ZNF561: variants seen among roughly 807,000 people sequenced by gnomAD.
ZNF561 encodes zinc finger protein 561.
A neutral mutation model predicts 16.7 loss-of-function variants in ZNF561; 16 were observed. The ratio of observed to expected loss-of-function variants is 0.96; its 90% CI spans 0.65 to 1.45. The LOEUF (loss-of-function observed/expected upper bound fraction) is 1.45, where lower values mean the gene tolerates loss of function less well. Ranked by LOEUF, ZNF561 falls within the 40% of genes most tolerant of loss-of-function variation. ZNF561 has a pLI of 0.00. For missense variants in ZNF561, 580 were observed against 578.0 expected, an observed-to-expected ratio of 1.00 and a Z score of -0.04; for synonymous variants, 190 against 192.1, an observed-to-expected ratio of 0.99 and a Z score of 0.09.
At chr19:9,611,773 T>G (rs2074463218) in intron 5 of ZNF561, among the ~76,000 whole-genome samples, 1 of 152,112 alleles carries the variant, frequency 6.6e-6, no homozygotes, top group Admixed American at 6.5e-5. Flanking sequence ...GTTGGGGTTT[T>G]GCTCCATTGC....
rs1425367133 is a variant in ZNF561, at chr19:9,609,592, G to A, written c.*608C>T. 1 of 152,326 alleles carries A rather than the reference G, an allele frequency of 6.6e-6. No homozygotes were observed. The highest frequency in any genetic ancestry group is 1.5e-5 in the Non-Finnish European group (1 of 68,152). The allele number at this position is 152,326 out of a possible 1,614,324, so 9.4% of individuals were successfully genotyped here. A position where few individuals can be genotyped will look rare whatever the true frequency, so the allele number is the denominator to read the frequency against. ...AGCCACCTTGACAGAAGTGAGAAGA[G>A]AGACTGGATTATACTAGAAGAGACA... On this transcript the variant is annotated 3_prime_UTR_variant, in exon 6 of 6. Transcript: ENST00000302851.
At chr19:9,616,851 C>T in intron 4 of ZNF561, 194 bp downstream of exon 4, 1 of 598,458 alleles carries the variant, frequency 1.7e-6, no homozygotes. Context: ...ACCTCAGCCT[C>T]CCAAAGTGCT....
At chr19:9,617,328 A>C (rs1423971423) in intron 3 of ZNF561, 157 bp from the exon 4 acceptor site, 50 of 1,302,400 alleles carry the variant, frequency 3.8e-5, no homozygotes. Context: ...CTTGTGTCTA[A>C]ACACTCAAGG....
rs148035666 is a variant in ZNF561, at chr19:9,610,420, G to C, written c.1241C>G (p.Thr414Ser). 2.5e-6 allele frequency: 4 copies of C among 1,612,156 alleles called. No individual in the cohort carries two copies. Among genetic ancestry groups the C allele is most frequent in the Non-Finnish European group, 2.5e-6 (3 of 1,178,620 alleles). The part of the protein sequence containing the change: ...TSSRRSKHLK[T>S]HSGEKPFVCK... Reference sequence around the variant, plus strand: ...TACAAAGGGCTTTTCTCCACTATGAGTTTTCAAATGTTTACTACGACGGGA... The same window carrying C: ...TACAAAGGGCTTTTCTCCACTATGACTTTTCAAATGTTTACTACGACGGGA... The change falls in exon 6 of 6, where the codon ACT becomes AGT. Residue 414 changes from threonine to serine, a missense_variant. Thr to Ser is a moderately conservative substitution (Grantham distance 58, BLOSUM62 1). Coordinates refer to ENST00000302851, the MANE Select transcript of ZNF561 (RefSeq NM_152289.3).
chr19:9,612,474 T>C (rs1012160690), intron 5 of ZNF561, among the ~76,000 whole-genome samples: 5 of 152,150 alleles, frequency 3.3e-5, no homozygotes, highest in Non-Finnish European at 4.4e-5. Context: ...TGCCTCAACC[T>C]CCCAAATTGC....
At chr19:9,611,443 AT>A in intron 5 of ZNF561, 107 bp from the exon 6 acceptor site, 1 of 1,212,050 alleles carries the variant, frequency 8.3e-7, no homozygotes, top group Admixed American at 3.0e-5. Flanking sequence ...TTACTTTTTA[AT>A]ATTTAATTTT....
intron 4 of ZNF561, 159 bp downstream of exon 4, chr19:9,616,886 G>A (rs1260063274): frequency 1.3e-5 from 13 of 972,652 alleles, no homozygotes; most frequent in Middle Eastern, 3.5e-4. Context: ...GAGCCACTGC[G>A]CCCGGCCTAG....
intron 4 of ZNF561, among the ~76,000 whole-genome samples, chr19:9,615,751 C>CAA (rs1192652868): frequency 4.5e-3 from 383 of 85,364 alleles, no homozygotes; most frequent in Middle Eastern, 0.017. Flanking sequence ...ACTAAAAATA[C>CAA]AAAAAAAAAA....
intron 4 of ZNF561, among the ~76,000 whole-genome samples, chr19:9,615,193 G>C (rs1044819286): frequency 1.3e-5 from 2 of 151,966 alleles, no homozygotes; most frequent in Non-Finnish European, 2.9e-5. Context: ...GGATATAAAA[G>C]CTAAGATCTC....
In ZNF561 at chr19:9,607,605, C is replaced by A. The variant is rs1433382855; in HGVS notation, c.*2595G>T. 5.9e-5 allele frequency: 9 copies of A among 152,282 alleles called. No homozygotes were observed. The highest frequency in any genetic ancestry group is 5.2e-4 in the Admixed American group (8 of 15,286). 9.4% of individuals were successfully genotyped at this position (152,282 alleles called of 1,614,324 possible). The stretch of plus-strand genomic sequence containing the variant: ...CAATAAAATAGAGCACGTATCTCAG[C>A]AGAACTGCAGACAATTATGCTGGTA... On this transcript the variant is annotated 3_prime_UTR_variant, in exon 6 of 6. Transcript: ENST00000302851.
At chr19:9,619,361 C>T (rs1357181602) in intron 2 of ZNF561, 71 bp downstream of exon 2, 5 of 1,535,122 alleles carry the variant, frequency 3.3e-6, no homozygotes, top group Non-Finnish European at 4.5e-6. Flanking sequence ...AGGCTCAGCT[C>T]ACTGGACGCT....
chr19:9,612,227 C>A (rs752644830), intron 5 of ZNF561, among the ~76,000 whole-genome samples: 1 of 151,770 alleles, frequency 6.6e-6, no homozygotes, highest in Non-Finnish European at 1.5e-5. Context: ...CATGCCCCAC[C>A]TCAGTTTATT....
chr19:9,615,709 C>T (rs981057000), intron 4 of ZNF561, among the ~76,000 whole-genome samples: 10 of 150,224 alleles, frequency 6.7e-5, no homozygotes, highest in Non-Finnish European at 8.9e-5. Flanking sequence ...AGTTCAAGAC[C>T]GGGCTGGCCA....
chr19:9,618,124 C>A lies in ZNF561; in HGVS notation c.81G>T (p.Arg27Ser). ...CPFEEKTKVE[R>S]MVEDYLASGY... ...CACTTGCCAGGTAGTCCTCCACCAT[C>A]CTTTCTACCTTTGTCTTTTCTTCAA... The change falls in exon 3 of 6, where the codon AGG becomes AGT. Residue 27 changes from arginine (R) to serine (S), a missense_variant. Physicochemically the swap from Arg to Ser is moderately radical, Grantham distance 110. Coordinates refer to ENST00000302851, the MANE Select transcript of ZNF561 (RefSeq NM_152289.3). The A allele has an allele frequency of 2.6e-6, 4 of 1,551,334 alleles. No homozygotes were observed. The highest frequency in any genetic ancestry group is 3.5e-6 in the Non-Finnish European group (4 of 1,146,720).
At position 9,608,886 on chromosome 19, in the gene ZNF561, C is replaced by G. The variant is rs2074396204; in HGVS notation, c.*1314G>C. On this transcript the variant is annotated 3_prime_UTR_variant, in exon 6 of 6. Coordinates refer to ENST00000302851, the MANE Select transcript of ZNF561 (RefSeq NM_152289.3). ...CTGAGTGCTTACAGGAAAATGTGCT[C>G]AGAACAGGCCCCCCAAATTTGGACA... The G allele has an allele frequency of 6.6e-6, 1 of 152,140 alleles. No homozygotes were observed. Among genetic ancestry groups the G allele is most frequent in the South Asian group, 2.1e-4 (1 of 4,824 alleles). The allele number at this position is 152,140 out of a possible 1,614,324, so 9.4% of individuals were successfully genotyped here. A position where few individuals can be genotyped will look rare whatever the true frequency, so the allele number is the denominator to read the frequency against.
At position 9,608,345 on chromosome 19, in the gene ZNF561, G is replaced by A. The variant is rs1210906926; in HGVS notation, c.*1855C>T. On this transcript the variant is annotated 3_prime_UTR_variant, in exon 6 of 6. Coordinates refer to ENST00000302851, the MANE Select transcript of ZNF561 (RefSeq NM_152289.3). ...TATTTGTTGGTTTCCTTCCTGTGAAGACATGAGGAAGTGGGCATTTACATA... is the reference window on the plus strand; with the variant it reads ...TATTTGTTGGTTTCCTTCCTGTGAAAACATGAGGAAGTGGGCATTTACATA... 1 of 152,054 alleles carries A rather than the reference G, an allele frequency of 6.6e-6. No homozygotes were observed. Among genetic ancestry groups the A allele is most frequent in the Non-Finnish European group, 1.5e-5 (1 of 68,026 alleles). The allele number at this position is 152,054 out of a possible 1,614,324, so 9.4% of individuals were successfully genotyped here. A position where few individuals can be genotyped will look rare whatever the true frequency, so the allele number is the denominator to read the frequency against.
In ZNF561 at chr19:9,610,626, G is replaced by C. The variant is rs761248439; in HGVS notation, c.1035C>G (p.Ala345=). 6.2e-7 allele frequency: 1 copy of C among 1,614,024 alleles called. No individual in the cohort carries two copies. Residue 345 remains alanine, a synonymous_variant, in exon 6 of 6, where the codon GCC becomes GCG. Transcript: ENST00000302851. ...TAGAAAGGCCCGAGTACTGAGCAAA[G>C]GCTTGGCCACATTCCTTACATTCAT... is the stretch of plus-strand genomic sequence containing the variant. The part of the protein sequence containing the change: ...KPYECKECGQ[A]FAQYSGLSIH...
intron 4 of ZNF561, among the ~76,000 whole-genome samples, chr19:9,614,986 G>A (rs1281356109): frequency 6.6e-6 from 1 of 151,844 alleles, no homozygotes; most frequent in Non-Finnish European, 1.5e-5. Flanking sequence ...CTAAAGGCGT[G>A]TGCCACCACG....
chr19:9,612,930 G>A (rs1055035981), intron 5 of ZNF561, among the ~76,000 whole-genome samples: 1 of 152,116 alleles, frequency 6.6e-6, no homozygotes, highest in Non-Finnish European at 1.5e-5. Context: ...CAAGGAGCTT[G>A]GATTACAGGT....
Sources: gnomAD v4.1 joint callset for allele counts (sites outside exome capture counted in the v4.1 genomes callset) on GRCh38, gnomAD v4.1.1 for gene constraint, MANE v1.5 for transcripts, NCBI Gene and HGNC (gene_info 2026-07-23, HGNC 2026-07-21) for gene names.